RALGAPA2: variants seen among roughly 807,000 people sequenced by gnomAD.
The protein encoded by RALGAPA2 is ral GTPase-activating protein subunit alpha-2.
In RALGAPA2, 139 loss-of-function variants were observed where a neutral mutation model predicts 230.4. That is an observed-to-expected ratio of 0.60 (90% confidence interval 0.53 to 0.69). RALGAPA2 has a LOEUF of 0.69. Among genes scored for constraint, RALGAPA2 ranks in the 30% least tolerant of loss-of-function variants. RALGAPA2 has a pLI of 0.00. For synonymous variants in RALGAPA2, 847 were observed against 837.8 expected, an observed-to-expected ratio of 1.01 and a Z score of -0.19; for missense variants, 2,163 against 2,276.0, an observed-to-expected ratio of 0.95 and a Z score of 1.01.
chr20:20,422,127 G>A (rs971016377), intron 37 of RALGAPA2, among the ~76,000 whole-genome samples: 12 of 151,724 alleles, frequency 7.9e-5, no homozygotes, highest in Non-Finnish European at 1.2e-4. Flanking sequence ...TGGGGCCAGA[G>A]GCAGGGGAGA....
rs74956711 is a variant in RALGAPA2 at position 20,669,693 on chromosome 20, C to T, written c.270+6543G>A. 8.4e-3 allele frequency among the ~76,000 whole-genome samples: 1,287 copies of T among 152,324 alleles called. 17 individuals are homozygous for T. Among genetic ancestry groups the T allele is most frequent in the African/African-American group, 0.029 (1,225 of 41,558 alleles). On this transcript the variant is annotated intron_variant, in intron 3 of 39. Coordinates refer to ENST00000202677, the MANE Select transcript of RALGAPA2 (RefSeq NM_020343.4). ...TTCTGTCTCTGTCGCTCCCTTTCCT[C>T]TTTGCGTACTGATTTTGCCTTGGTG... is the stretch of plus-strand genomic sequence containing the variant.
At chr20:20,619,444 T>C in intron 11 of RALGAPA2, 30 bp from the exon 12 acceptor site, 2 of 1,499,320 alleles carry the variant, frequency 1.3e-6, no homozygotes, top group Non-Finnish European at 1.8e-6. Flanking sequence ...ATTAACAGAG[T>C]GGAAGATGCA....
chr20:20,599,319 T>C (rs1175041550), intron 16 of RALGAPA2, among the ~76,000 whole-genome samples: 1 of 152,208 alleles, frequency 6.6e-6, no homozygotes, highest in Non-Finnish European at 1.5e-5. Context: ...ATTAAAAGAT[T>C]TGATATTTGA....
intron 14 of RALGAPA2, among the ~76,000 whole-genome samples, 159 bp downstream of exon 14, chr20:20,611,156 G>A (rs2065963357): frequency 6.6e-6 from 1 of 152,052 alleles, no homozygotes; most frequent in African/African-American, 2.4e-5. Flanking sequence ...AGCACTAATT[G>A]TAAAGAACAG....
chr20:20,496,851 T>C (rs1023158397), intron 35 of RALGAPA2, among the ~76,000 whole-genome samples: 9 of 152,210 alleles, frequency 5.9e-5, no homozygotes, highest in Admixed American at 2.0e-4. Context: ...CTCATACTTC[T>C]GGGAATGACT....
chr20:20,482,962 A>C (rs1407347611), intron 36 of RALGAPA2, among the ~76,000 whole-genome samples: 2 of 152,212 alleles, frequency 1.3e-5, no homozygotes, highest in African/African-American at 4.8e-5. Flanking sequence ...TCATCTACCC[A>C]CATCATGTCC....
intron 1 of RALGAPA2, among the ~76,000 whole-genome samples, chr20:20,697,562 G>A (rs1004248481): frequency 1.3e-5 from 2 of 152,132 alleles, no homozygotes; most frequent in African/African-American, 2.4e-5. Flanking sequence ...CGGAAAGACA[G>A]GAGCCAGAAT....
intron 3 of RALGAPA2, among the ~76,000 whole-genome samples, chr20:20,656,238 G>C (rs1443391600): frequency 6.6e-6 from 1 of 152,192 alleles, no homozygotes; most frequent in Non-Finnish European, 1.5e-5. Context: ...TAATGTGCTC[G>C]AATCCAAGGA....
At chr20:20,667,090 T>C (rs1008157980) in intron 3 of RALGAPA2, among the ~76,000 whole-genome samples, 1 of 152,184 alleles carries the variant, frequency 6.6e-6, no homozygotes. Context: ...TGCATTTGGA[T>C]GGGAAATAAA....
At chr20:20,632,027 C>CTT (rs563059184) in intron 9 of RALGAPA2, among the ~76,000 whole-genome samples, 7 of 141,398 alleles carry the variant, frequency 5.0e-5, no homozygotes, top group South Asian at 2.3e-4. Flanking sequence ...ACACACCCAG[C>CTT]TTTTTTTTTT....
Position 20,389,964 on chromosome 20 carries a change from T to G in RALGAPA2, c.*3325A>C, listed in dbSNP as rs930089941. 6 of 152,200 alleles carry G rather than the reference T, an allele frequency of 3.9e-5. No homozygotes were observed. Among genetic ancestry groups the G allele is most frequent in the African/African-American group, 1.4e-4 (6 of 41,444 alleles). The allele number at this position is 152,200 out of a possible 1,614,324, so 9.4% of individuals were successfully genotyped here. On this transcript the variant is annotated 3_prime_UTR_variant, in exon 40 of 40. Coordinates refer to ENST00000202677, the MANE Select transcript of RALGAPA2 (RefSeq NM_020343.4). ...CCTGAAAACATAAGGAAACATTCAC[T>G]TCATGTGTATGTCATATGGACAGAC...
intron 23 of RALGAPA2, among the ~76,000 whole-genome samples, chr20:20,555,928 A>G (rs1199868700): frequency 6.6e-6 from 1 of 152,132 alleles, no homozygotes; most frequent in African/African-American, 2.4e-5. Context: ...CACTGTCTAG[A>G]ATCTCTGGTA....
At position 20,572,753 on chromosome 20, in the gene RALGAPA2, T is replaced by G. The variant is rs1030675923; in HGVS notation, c.2901+122A>C. 3 of 827,620 alleles carry G rather than the reference T, an allele frequency of 3.6e-6. 1 individual carries two copies. 51.3% of individuals were successfully genotyped at this position (827,620 alleles called of 1,614,324 possible). A position where few individuals can be genotyped will look rare whatever the true frequency, so the allele number is the denominator to read the frequency against. ...TTATTCTTTGATAATCAAATGGACT[T>G]TGTCTAAATGTACCATTTGTGTTTC... On this transcript the variant is annotated intron_variant, in intron 21 of 39. Transcript: ENST00000202677.
chr20:20,506,075 G>A (rs886746595), intron 33 of RALGAPA2, among the ~76,000 whole-genome samples: 1 of 152,038 alleles, frequency 6.6e-6, no homozygotes, highest in Admixed American at 6.5e-5. Flanking sequence ...CCTTCCAAGC[G>A]AACACACTTA....
intron 24 of RALGAPA2, among the ~76,000 whole-genome samples, chr20:20,545,608 C>T (rs1273320149): frequency 1.3e-5 from 2 of 152,160 alleles, no homozygotes; most frequent in African/African-American, 4.8e-5. Context: ...TGTTGGATGG[C>T]AACACTGATT....
At chr20:20,606,285 G>C (rs1279006807) in intron 14 of RALGAPA2, among the ~76,000 whole-genome samples, 1 of 152,028 alleles carries the variant, frequency 6.6e-6, no homozygotes, top group Non-Finnish European at 1.5e-5. Flanking sequence ...TTCTGCCTGA[G>C]TTTTGGCTCC....
chr20:20,535,667 C>G, intron 26 of RALGAPA2, 78 bp downstream of exon 26: 3 of 1,491,974 alleles, frequency 2.0e-6, no homozygotes, highest in Non-Finnish European at 2.7e-6. Context: ...TAAGTGTTTT[C>G]TTTTGTAACA....
chr20:20,458,867 TATATATATACAC>T (rs1569418305), intron 37 of RALGAPA2, among the ~76,000 whole-genome samples: 45 of 18,608 alleles, frequency 2.4e-3, no homozygotes, highest in African/African-American at 6.6e-3. Context: ...TATATATATA[TATATATATACAC>T]ACACACAAAT....
At chr20:20,625,031 T>C (rs887773145) in intron 10 of RALGAPA2, among the ~76,000 whole-genome samples, 1 of 152,138 alleles carries the variant, frequency 6.6e-6, no homozygotes. Flanking sequence ...TCTCTACCCA[T>C]GCCTCCCTCC....
Sources: gnomAD v4.1 joint callset for allele counts (sites outside exome capture counted in the v4.1 genomes callset) on GRCh38, gnomAD v4.1.1 for gene constraint, MANE v1.5 for transcripts, NCBI Gene and HGNC (gene_info 2026-07-23, HGNC 2026-07-21) for gene names.